Variants in AK5 observed in about 807,000 individuals in gnomAD.
The protein encoded by AK5 is adenylate kinase 5.
In AK5, 27 loss-of-function variants were observed where a neutral mutation model predicts 69.5. The ratio of observed to expected loss-of-function variants is 0.39; its 90% CI spans 0.29 to 0.54. The LOEUF is 0.54. Ranked by LOEUF, AK5 falls within the 20% of genes least tolerant of loss-of-function variation. The pLI, the probability that AK5 is intolerant of heterozygous loss-of-function variation, is 0.71. For missense variants in AK5, 531 were observed against 700.4 expected (o/e 0.76, Z 2.73); for synonymous variants, 260 against 244.4 (o/e 1.06, Z -0.60).
chr1:77,325,208 C>T (rs1557497090), intron 5 of AK5, among the ~76,000 whole-genome samples: 1 of 149,766 alleles, frequency 6.7e-6, no homozygotes, highest in African/African-American at 2.5e-5. Flanking sequence ...GGTTTCACCA[C>T]GTTGGTCAGG....
chr1:77,516,429 A>G (rs80260679), intron 10 of AK5, among the ~76,000 whole-genome samples: 4 of 104,052 alleles, frequency 3.8e-5, no homozygotes, highest in South Asian at 2.5e-4. Flanking sequence ...TCAGCACCAG[A>G]AAAAAAAAAG....
intron 10 of AK5, among the ~76,000 whole-genome samples, chr1:77,516,332 C>T (rs11811611): frequency 0.17 from 25,614 of 151,832 alleles, 2,432 homozygotes; most frequent in Non-Finnish European, 0.18. Flanking sequence ...AGATGTGGTT[C>T]TGGAGACCTC....
intron 10 of AK5, among the ~76,000 whole-genome samples, chr1:77,487,238 A>G (rs1036916972): frequency 6.6e-6 from 1 of 152,154 alleles, no homozygotes; most frequent in African/African-American, 2.4e-5. Flanking sequence ...TTACATATCT[A>G]TTACATAGAC....
rs1252698798 is a variant in AK5 at position 77,444,319 on chromosome 1, TG to T, written c.1059+26605del. ...ATATATAGTATATATACACAATATA[TG>T]TGTATATATATAGTATATATACACA... On this transcript the variant is annotated intron_variant, in intron 8 of 13. Coordinates refer to ENST00000354567, the MANE Select transcript of AK5 (RefSeq NM_174858.3). Among the ~76,000 whole-genome samples the T allele has an allele frequency of 5.3e-4, 42 of 78,958 alleles. 7 individuals carry two copies. The highest frequency in any genetic ancestry group is 1.6e-3 in the African/African-American group (33 of 20,438). The allele number at this position is 78,958 out of a possible 152,430, so 51.8% of individuals were successfully genotyped here. A position where few individuals can be genotyped will look rare whatever the true frequency, so the allele number is the denominator to read the frequency against.
chr1:77,288,003 A>G (rs569056484), intron 2 of AK5, among the ~76,000 whole-genome samples: 1 of 152,354 alleles, frequency 6.6e-6, no homozygotes, highest in East Asian at 1.9e-4. Context: ...TTCTCAGGCC[A>G]TATTTAGTTC....
At chr1:77,477,405 C>T (rs1655012650) in intron 8 of AK5, among the ~76,000 whole-genome samples, 1 of 152,102 alleles carries the variant, frequency 6.6e-6, no homozygotes, top group Admixed American at 6.5e-5. Flanking sequence ...CAAGAACTTA[C>T]ACGATATTTT....
chr1:77,343,347 G>T (rs1661755602), intron 6 of AK5, among the ~76,000 whole-genome samples: 1 of 152,158 alleles, frequency 6.6e-6, no homozygotes, highest in South Asian at 2.1e-4. Flanking sequence ...GCGCTTTGGT[G>T]TCTGAATCCT....
intron 2 of AK5, among the ~76,000 whole-genome samples, chr1:77,292,711 GTCTT>G (rs1658760518): frequency 6.6e-6 from 1 of 152,140 alleles, no homozygotes; most frequent in African/African-American, 2.4e-5. Context: ...CTGACTCAGA[GTCTT>G]TGTACTGTTC....
At chr1:77,554,648 C>T (rs1475236819) in intron 13 of AK5, among the ~76,000 whole-genome samples, 1 of 152,116 alleles carries the variant, frequency 6.6e-6, no homozygotes, top group Non-Finnish European at 1.5e-5. Flanking sequence ...CTCTGTTGCC[C>T]AGGCTGGAGT....
At chr1:77,463,372 C>T (rs1221956791) in intron 8 of AK5, among the ~76,000 whole-genome samples, 2 of 152,146 alleles carry the variant, frequency 1.3e-5, no homozygotes, top group Non-Finnish European at 2.9e-5. Flanking sequence ...ATTCAACAAG[C>T]ACATACTGAA....
chr1:77,359,419 G>T (rs1646822195), intron 6 of AK5, among the ~76,000 whole-genome samples: 1 of 151,952 alleles, frequency 6.6e-6, no homozygotes, highest in South Asian at 2.1e-4. Flanking sequence ...ATGCCTGGAA[G>T]TTAAAATGGT....
At chr1:77,366,302 G>A (rs1254984571) in intron 6 of AK5, among the ~76,000 whole-genome samples, 3 of 152,156 alleles carry the variant, frequency 2.0e-5, no homozygotes, top group Non-Finnish European at 4.4e-5. Flanking sequence ...AATGAGGTTA[G>A]GCATATAAAA....
intron 8 of AK5, among the ~76,000 whole-genome samples, chr1:77,475,922 C>T (rs1181098583): frequency 6.6e-6 from 1 of 151,774 alleles, no homozygotes; most frequent in South Asian, 2.1e-4. Context: ...GAGTTGAACA[C>T]GTATTTGAGA....
chr1:77,476,890 G>C (rs1305523084), intron 8 of AK5, among the ~76,000 whole-genome samples: 1 of 138,742 alleles, frequency 7.2e-6, no homozygotes, highest in Non-Finnish European at 1.6e-5. Context: ...AATGTGTGAG[G>C]TGTTTTGCTG....
chr1:77,430,414 G>A (rs545715157), intron 8 of AK5, among the ~76,000 whole-genome samples: 1 of 152,286 alleles, frequency 6.6e-6, no homozygotes, highest in South Asian at 2.1e-4. Flanking sequence ...TAAAGATAGG[G>A]CATGAGTGTA....
At chr1:77,365,246 T>A (rs919404072) in intron 6 of AK5, among the ~76,000 whole-genome samples, 6 of 152,206 alleles carry the variant, frequency 3.9e-5, no homozygotes, top group African/African-American at 9.6e-5. Context: ...TTTGAGTTCC[T>A]TGTATATTCT....
chr1:77,475,915 T>C (rs947769227), intron 8 of AK5, among the ~76,000 whole-genome samples: 10 of 152,156 alleles, frequency 6.6e-5, no homozygotes, highest in Admixed American at 5.9e-4. Context: ...GAGAGTTGAG[T>C]TGAACACGTA....
chr1:77,346,049 CAAGGAA>C (rs1029507889), intron 6 of AK5: 1 of 152,110 alleles, frequency 6.6e-6, no homozygotes, highest in African/African-American at 2.4e-5. Flanking sequence ...AAGAAAGTCA[CAAGGAA>C]AAGAAAATAT....
At chr1:77,306,484 G>GGTTTTTTTTTTTTTTTTTTTTTTTT (rs35597576) in intron 5 of AK5, among the ~76,000 whole-genome samples, 2 of 134,554 alleles carry the variant, frequency 1.5e-5, no homozygotes, top group African/African-American at 2.8e-5. Context: ...AATTTGCTAG[G>GGTTTTTTTTTTTTTTTTTTTTTTTT]TTTTTTTTTG....
Sources: allele counts gnomAD v4.1 joint callset (sites outside exome capture counted in the v4.1 genomes callset), GRCh38; gene constraint gnomAD v4.1.1; transcripts MANE v1.5; gene names NCBI Gene and HGNC (gene_info 2026-07-23, HGNC 2026-07-21).